The following MAGI1 variants were observed in gnomAD, a reference collection of about 807,000 sequenced individuals.
MAGI1 encodes membrane associated guanylate kinase, WW and PDZ domain containing 1.
A neutral mutation model predicts 139.9 loss-of-function variants in MAGI1; 58 were observed. That is an observed-to-expected ratio of 0.41 (90% CI 0.34 to 0.52). The LOEUF (loss-of-function observed/expected upper bound fraction) is 0.52, where lower values mean the gene tolerates loss of function less well. Ranked by LOEUF, MAGI1 falls within the 20% of genes least tolerant of loss-of-function variation. The pLI, the probability that MAGI1 is intolerant of heterozygous loss-of-function variation, is 0.12. For synonymous variants in MAGI1, 812 were observed against 737.9 expected (o/e 1.10, Z -1.63); for missense variants, 1,874 against 1,901.6 (o/e 0.99, Z 0.27).
chr3:65,734,327 G>A (rs1348012759), intron 1 of MAGI1, among the ~76,000 whole-genome samples: 2 of 151,988 alleles, frequency 1.3e-5, no homozygotes, highest in African/African-American at 2.4e-5. Flanking sequence ...AGGTATGGTG[G>A]CACTTGCCTG....
At chr3:65,642,769 A>G (rs907263513) in intron 1 of MAGI1, among the ~76,000 whole-genome samples, 1 of 152,204 alleles carries the variant, frequency 6.6e-6, no homozygotes, top group Non-Finnish European at 1.5e-5. Context: ...TAGCTTTTTT[A>G]AAAAGTGCCT....
intron 1 of MAGI1, among the ~76,000 whole-genome samples, chr3:65,760,415 G>A (rs915524498): frequency 6.6e-6 from 1 of 150,688 alleles, no homozygotes; most frequent in Non-Finnish European, 1.5e-5. Flanking sequence ...AAGAGATGGG[G>A]TCTTGTTCTG....
chr3:65,659,240 G>T (rs923370775), intron 1 of MAGI1, among the ~76,000 whole-genome samples: 1 of 152,042 alleles, frequency 6.6e-6, no homozygotes, highest in African/African-American at 2.4e-5. Flanking sequence ...AAATGAGGCA[G>T]GAATAAAACA....
Position 66,038,387 on chromosome 3 carries a change from T to C in MAGI1, c.-79A>G. On this transcript the variant is annotated 5_prime_UTR_variant, in exon 1 of 23. Transcript: ENST00000402939. ...CAGCACGAGCCCCCAAGCCTCCGCT[T>C]GTTCATGGGAGAAACATCTCTCCCC... 1 of 1,491,114 alleles carries C rather than the reference T, an allele frequency of 6.7e-7. No individual in the cohort carries two copies. Among genetic ancestry groups the C allele is most frequent in the Non-Finnish European group, 8.9e-7 (1 of 1,126,352 alleles). The allele number at this position is 1,491,114 out of a possible 1,614,324, so 92.4% of individuals were successfully genotyped here. A position where few individuals can be genotyped will look rare whatever the true frequency, so the allele number is the denominator to read the frequency against.
At chr3:65,581,803 T>C (rs1319861939) in intron 2 of MAGI1, among the ~76,000 whole-genome samples, 2 of 152,154 alleles carry the variant, frequency 1.3e-5, no homozygotes, top group African/African-American at 4.8e-5. Flanking sequence ...ATAACTCACT[T>C]ACTAATACTT....
intron 1 of MAGI1, among the ~76,000 whole-genome samples, chr3:65,919,466 G>C (rs370885776): frequency 1.3e-5 from 2 of 152,056 alleles, no homozygotes; most frequent in African/African-American, 2.4e-5. Context: ...GGGAGGCTAA[G>C]GGGGAGGATC....
chr3:65,631,567 G>A (rs1370186651), intron 1 of MAGI1, among the ~76,000 whole-genome samples: 1 of 150,892 alleles, frequency 6.6e-6, no homozygotes, highest in Non-Finnish European at 1.5e-5. Context: ...GAGATCTTTG[G>A]AGATATTGAA....
rs116065648 is a variant in MAGI1 at position 65,738,759 on chromosome 3, T to A, written c.314-116671A>T. On this transcript the variant is annotated intron_variant, in intron 1 of 22. Coordinates refer to ENST00000402939, the MANE Select transcript of MAGI1 (RefSeq NM_001033057.2). ...GTCGATGAGTAGCAGTAACAATACA[T>A]TGAAAGGAATCTTTTTTCTTCTGAG... Among the ~76,000 whole-genome samples, 70 of 152,312 alleles carry A rather than the reference T, an allele frequency of 4.6e-4. No individual in the cohort carries two copies. The East Asian group carries it at 0.012, about 26-fold the overall frequency.
At chr3:65,489,917 T>C (rs1309873427) in intron 3 of MAGI1, among the ~76,000 whole-genome samples, 3 of 152,230 alleles carry the variant, frequency 2.0e-5, no homozygotes, top group Admixed American at 6.5e-5. Context: ...CATTTATATA[T>C]GTCTTCCTTT....
At chr3:65,947,856 A>G (rs1206608836) in intron 1 of MAGI1, among the ~76,000 whole-genome samples, 4 of 151,852 alleles carry the variant, frequency 2.6e-5, no homozygotes, top group Non-Finnish European at 4.4e-5. Flanking sequence ...AGCTCAAGCA[A>G]TCTTCCTGCC....
At chr3:65,407,457 A>G (rs1274041703) in intron 12 of MAGI1, among the ~76,000 whole-genome samples, 2 of 152,100 alleles carry the variant, frequency 1.3e-5, no homozygotes, top group South Asian at 4.1e-4. Context: ...AAAAAAAAAA[A>G]AAAAAGGAAA....
At chr3:65,357,199 A>G (rs1940257806) in intron 22 of MAGI1, 67 bp from the exon 23 acceptor site, 1 of 1,503,816 alleles carries the variant, frequency 6.6e-7, no homozygotes, top group Non-Finnish European at 9.0e-7. Context: ...CCCCGTTCCC[A>G]CCCACACTCG....
chr3:65,425,116 AAAAAAAAAAAAAAAAAC>A (rs1236074264), intron 12 of MAGI1, among the ~76,000 whole-genome samples: 2 of 48,710 alleles, frequency 4.1e-5, no homozygotes, highest in Non-Finnish European at 7.1e-5. Flanking sequence ...TCTAAAAAAA[AAAAAAAAAAAAAAAAAC>A]AAAAAAAAAC....
intron 1 of MAGI1, among the ~76,000 whole-genome samples, chr3:65,744,131 A>T (rs2107793351): frequency 6.6e-6 from 1 of 152,326 alleles, no homozygotes; most frequent in South Asian, 2.1e-4. Context: ...CTAATAGAGA[A>T]AAACAGTGAA....
intron 2 of MAGI1, among the ~76,000 whole-genome samples, chr3:65,502,086 C>T (rs1015340859): frequency 7.2e-5 from 11 of 152,140 alleles, no homozygotes; most frequent in Admixed American, 7.2e-4. Context: ...TTCTTGCCTG[C>T]GGTGGTGGTT....
intron 10 of MAGI1, among the ~76,000 whole-genome samples, 178 bp from the exon 11 acceptor site, chr3:65,431,059 T>A (rs1473116212): frequency 1.3e-5 from 2 of 152,084 alleles, no homozygotes; most frequent in African/African-American, 4.8e-5. Flanking sequence ...TAGGCCCCAG[T>A]GTTGATGGAG....
intron 1 of MAGI1, among the ~76,000 whole-genome samples, chr3:65,649,145 A>G (rs1245730676): frequency 6.6e-6 from 1 of 152,130 alleles, no homozygotes; most frequent in Non-Finnish European, 1.5e-5. Flanking sequence ...ATGCTGAGGC[A>G]GAAGGATCAC....
At chr3:65,843,292 T>G (rs932566065) in intron 1 of MAGI1, among the ~76,000 whole-genome samples, 1 of 152,168 alleles carries the variant, frequency 6.6e-6, no homozygotes, top group Non-Finnish European at 1.5e-5. Context: ...GAGCAAGGAC[T>G]GTCAACCAGG....
At chr3:65,832,166 C>T (rs2108298931) in intron 1 of MAGI1, among the ~76,000 whole-genome samples, 1 of 152,300 alleles carries the variant, frequency 6.6e-6, no homozygotes, top group South Asian at 2.1e-4. Context: ...AACTGCACAG[C>T]CATCAGCATA....
Sources: gnomAD v4.1 joint callset for allele counts (sites outside exome capture counted in the v4.1 genomes callset) on GRCh38, gnomAD v4.1.1 for gene constraint, MANE v1.5 for transcripts, NCBI Gene and HGNC (gene_info 2026-07-23, HGNC 2026-07-21) for gene names.